TMEM135: variants seen among roughly 807,000 people sequenced by gnomAD.
The protein encoded by TMEM135 is transmembrane protein 135, also known as peroxisomal membrane protein 52.
Under a neutral mutation model 60.3 loss-of-function variants are expected in TMEM135, and 30 were observed. The ratio of observed to expected loss-of-function variants is 0.50; its 90% CI spans 0.37 to 0.68. The LOEUF (loss-of-function observed/expected upper bound fraction) is 0.68, where lower values mean the gene tolerates loss of function less well. TMEM135 is among the 30% of genes least tolerant of loss of function. The pLI is 0.00. For synonymous variants in TMEM135, 190 were observed against 186.7 expected, an observed-to-expected ratio of 1.02 and a Z score of -0.14; for missense variants, 468 against 548.8, an observed-to-expected ratio of 0.85 and a Z score of 1.47.
chr11:87,184,978 A>C (rs907656988), intron 5 of TMEM135, among the ~76,000 whole-genome samples: 5 of 152,132 alleles, frequency 3.3e-5, no homozygotes, highest in Non-Finnish European at 5.9e-5. Context: ...AACTTATACA[A>C]AAGTAAAGAG....
chr11:87,317,187 T>C (rs550160116), intron 12 of TMEM135, among the ~76,000 whole-genome samples: 22 of 152,200 alleles, frequency 1.4e-4, no homozygotes, highest in Admixed American at 1.2e-3. Context: ...GAATCTGGTT[T>C]ATTAAATGAA....
chr11:87,250,232 A>G (rs1941383950), intron 6 of TMEM135, among the ~76,000 whole-genome samples: 1 of 151,884 alleles, frequency 6.6e-6, no homozygotes, highest in Admixed American at 6.6e-5. Context: ...TTGTCGATCT[A>G]TTTATCTTTT....
chr11:87,091,217 C>G, intron 3 of TMEM135, 145 bp from the exon 4 acceptor site: 4 of 636,218 alleles, frequency 6.3e-6, no homozygotes, highest in Non-Finnish European at 1.1e-5. Context: ...GAAATTAGTT[C>G]GGCATAATTT....
chr11:87,225,497 G>GT (rs1213891241), intron 5 of TMEM135, among the ~76,000 whole-genome samples: 15 of 150,466 alleles, frequency 1.0e-4, no homozygotes, highest in Non-Finnish European at 1.9e-4. Context: ...GACACATCTT[G>GT]TAAAAAAAAA....
At chr11:87,170,727 C>G (rs917183741) in intron 5 of TMEM135, among the ~76,000 whole-genome samples, 3 of 152,084 alleles carry the variant, frequency 2.0e-5, no homozygotes, top group Non-Finnish European at 2.9e-5. Flanking sequence ...TGTCTGTTGA[C>G]CTGTGCTGGG....
At chr11:87,181,144 AG>A (rs925243421) in intron 5 of TMEM135, among the ~76,000 whole-genome samples, 1 of 152,240 alleles carries the variant, frequency 6.6e-6, no homozygotes, top group African/African-American at 2.4e-5. Context: ...CTTTTAGGAT[AG>A]GAAGTAGCAA....
At chr11:87,082,183 T>C (rs1157196784) in intron 3 of TMEM135, among the ~76,000 whole-genome samples, 1 of 152,236 alleles carries the variant, frequency 6.6e-6, no homozygotes, top group Non-Finnish European at 1.5e-5. Flanking sequence ...CCTTTGGAGT[T>C]AAACTTTAAA....
At chr11:87,061,660 A>ATGGG (rs1949948057) in intron 1 of TMEM135, among the ~76,000 whole-genome samples, 2 of 152,214 alleles carry the variant, frequency 1.3e-5, no homozygotes, top group Non-Finnish European at 2.9e-5. Flanking sequence ...GGCTAAGATC[A>ATGGG]TGGGTCTTTG....
intron 4 of TMEM135, among the ~76,000 whole-genome samples, chr11:87,140,669 GT>G (rs916744050): frequency 6.6e-6 from 1 of 152,066 alleles, no homozygotes; most frequent in African/African-American, 2.4e-5. Context: ...TTTAATATTT[GT>G]TTTTTTATCC....
intron 10 of TMEM135, among the ~76,000 whole-genome samples, chr11:87,312,322 A>G (rs1377557469): frequency 6.6e-6 from 1 of 151,974 alleles, no homozygotes; most frequent in East Asian, 1.9e-4. Context: ...GTATCAGCCA[A>G]TCTTCAAGTA....
chr11:87,194,889 A>G (rs1939898855), intron 5 of TMEM135, among the ~76,000 whole-genome samples: 1 of 152,224 alleles, frequency 6.6e-6, no homozygotes, highest in Non-Finnish European at 1.5e-5. Flanking sequence ...TCTTTTACAT[A>G]AACTCATAAA....
chr11:87,109,986 A>G (rs187293658), intron 4 of TMEM135, among the ~76,000 whole-genome samples: 3 of 152,290 alleles, frequency 2.0e-5, no homozygotes, highest in East Asian at 1.9e-4. Flanking sequence ...GGATAACAGA[A>G]TGACTTCCTC....
At chr11:87,121,055 A>G (rs11821284) in intron 4 of TMEM135, 19,598 of 152,182 alleles carry the variant, frequency 0.13, 1,351 homozygotes, top group Non-Finnish European at 0.15. Flanking sequence ...TTGTTTCAGC[A>G]AAGTGGAAGA....
At chr11:87,126,218 A>G (rs921994041) in intron 4 of TMEM135, among the ~76,000 whole-genome samples, 4 of 152,120 alleles carry the variant, frequency 2.6e-5, no homozygotes, top group Non-Finnish European at 4.4e-5. Context: ...ATCTTTATTG[A>G]TCATTTTGAA....
At chr11:87,168,282 G>A (rs1939124589) in intron 5 of TMEM135, among the ~76,000 whole-genome samples, 1 of 151,874 alleles carries the variant, frequency 6.6e-6, no homozygotes, top group Admixed American at 6.6e-5. Flanking sequence ...TTTTTCGAAG[G>A]GTTTTTTGTA....
intron 6 of TMEM135, among the ~76,000 whole-genome samples, chr11:87,239,384 A>C (rs1941080083): frequency 6.6e-6 from 1 of 152,124 alleles, no homozygotes; most frequent in Non-Finnish European, 1.5e-5. Flanking sequence ...CAACCAAACA[A>C]AACAATATTA....
At chr11:87,201,057 T>C (rs563618353) in intron 5 of TMEM135, among the ~76,000 whole-genome samples, 2 of 152,288 alleles carry the variant, frequency 1.3e-5, no homozygotes, top group African/African-American at 4.8e-5. Flanking sequence ...GTTAGCACTC[T>C]TTTTTATTTT....
chr11:87,255,116 CCATTCTG>C (rs1338033778), intron 6 of TMEM135, among the ~76,000 whole-genome samples: 16 of 152,130 alleles, frequency 1.1e-4, no homozygotes, highest in Non-Finnish European at 1.8e-4. Flanking sequence ...CACTCTGACA[CCATTCTG>C]ACTAGAGGAA....
chr11:87,281,003 G>A (rs1021155907), intron 6 of TMEM135, among the ~76,000 whole-genome samples: 2 of 152,078 alleles, frequency 1.3e-5, no homozygotes, highest in African/African-American at 4.8e-5. Context: ...TTAAGAAATA[G>A]CTCCTAATTA....
Sources: gnomAD v4.1 joint callset for allele counts (sites outside exome capture counted in the v4.1 genomes callset) on GRCh38, gnomAD v4.1.1 for gene constraint, MANE v1.5 for transcripts, NCBI Gene and HGNC (gene_info 2026-07-23, HGNC 2026-07-21) for gene names.